SLIT2: variants seen among roughly 807,000 people sequenced by gnomAD.
SLIT2 encodes the protein slit guidance ligand 2.
Under a neutral mutation model 185.7 loss-of-function variants are expected in SLIT2, and 41 were observed. That is an observed-to-expected ratio of 0.22 (90% CI 0.17 to 0.29). The LOEUF (loss-of-function observed/expected upper bound fraction) is 0.29. SLIT2 is among the 10% of genes least tolerant of loss of function. SLIT2 has a pLI of 1.00. For synonymous variants in SLIT2, 693 were observed against 680.2 expected, an observed-to-expected ratio of 1.02 and a Z score of -0.29; for missense variants, 1,571 against 1,909.0, an observed-to-expected ratio of 0.82 and a Z score of 3.30.
chr4:20,258,779 G>T (rs2109010795), intron 3 of SLIT2, among the ~76,000 whole-genome samples: 1 of 151,724 alleles, frequency 6.6e-6, no homozygotes, highest in South Asian at 2.1e-4. Flanking sequence ...TGAAGGCAAA[G>T]AAAAGCTCTA....
intron 12 of SLIT2, among the ~76,000 whole-genome samples, chr4:20,520,491 T>C (rs1031685628): frequency 1.3e-5 from 2 of 152,208 alleles, no homozygotes; most frequent in African/African-American, 4.8e-5. Context: ...TTAAAATCCT[T>C]ACGCATACAA....
At chr4:20,361,504 T>C (rs1722742943) in intron 4 of SLIT2, among the ~76,000 whole-genome samples, 1 of 152,160 alleles carries the variant, frequency 6.6e-6, no homozygotes, top group Non-Finnish European at 1.5e-5. Context: ...AATCCAAACT[T>C]ATAAAATGTT....
rs894785343 is a variant in SLIT2 at position 20,287,890 on chromosome 4, A to T, written c.395+19009A>T. Among the ~76,000 whole-genome samples, 8 of 146,272 alleles carry T rather than the reference A, an allele frequency of 5.5e-5. No individual in the cohort carries two copies. In the East Asian group the frequency reaches 1.2e-3, roughly 21 times the overall value. On this transcript the variant is annotated intron_variant, in intron 4 of 36. Coordinates refer to ENST00000504154, the MANE Select transcript of SLIT2 (RefSeq NM_004787.4). ...TCTTTTCTTAAAAACAATTTTCTTT[A>T]AAAAAAAAGCTATGTATTGATGTTT...
At chr4:20,617,761 G>C in intron 36 of SLIT2, 111 bp downstream of exon 36, 1 of 697,836 alleles carries the variant, frequency 1.4e-6, no homozygotes, top group East Asian at 2.7e-5. Context: ...AGGAGCAACA[G>C]AGACAGAGAG....
At position 20,460,760 on chromosome 4, in the gene SLIT2, G is replaced by A. The variant is rs144186475; in HGVS notation, c.396-6992G>A. ...TAGAACCTGGAGGACATCATGTTAA[G>A]TGAAATAAGCCAGGTACAGAAAGAC... On this transcript the variant is annotated intron_variant, in intron 4 of 36. Coordinates refer to ENST00000504154, the MANE Select transcript of SLIT2 (RefSeq NM_004787.4). Among the ~76,000 whole-genome samples, 45 of 152,254 alleles carry A rather than the reference G, an allele frequency of 3.0e-4. No homozygotes were observed. In the East Asian group the frequency reaches 7.7e-3, roughly 26 times the overall value.
intron 16 of SLIT2, 68 bp downstream of exon 16, chr4:20,529,167 T>G (rs894735983): frequency 9.9e-6 from 12 of 1,214,434 alleles, no homozygotes; most frequent in Non-Finnish European, 1.1e-5. Flanking sequence ...CATAAGAATG[T>G]TTGTCTTGCC....
intron 4 of SLIT2, among the ~76,000 whole-genome samples, chr4:20,428,750 T>C (rs1049752061): frequency 6.6e-6 from 1 of 152,166 alleles, no homozygotes; most frequent in Non-Finnish European, 1.5e-5. Flanking sequence ...GTTTTTTCCA[T>C]TAAACAAGGG....
rs1173750302 is a variant in SLIT2, at chr4:20,392,646, TTTTC to T, written c.396-75098_396-75095del. 7.2e-5 allele frequency among the ~76,000 whole-genome samples: 11 copies of T among 152,110 alleles called. No homozygotes were observed. The East Asian group carries it at 7.7e-4, about 11-fold the overall frequency. The stretch of plus-strand genomic sequence containing the variant: ...TACATTGTACAGCTGTATAAAATGT[TTTTC>T]TTTCTTTATATCTTTATAAGTGCTT... On this transcript the variant is annotated intron_variant, in intron 4 of 36. Coordinates refer to ENST00000504154, the MANE Select transcript of SLIT2 (RefSeq NM_004787.4).
intron 33 of SLIT2, among the ~76,000 whole-genome samples, chr4:20,607,434 CTT>C (rs1236965444): frequency 6.6e-6 from 1 of 152,076 alleles, no homozygotes. Context: ...CTTGTATTTA[CTT>C]ACCACATATT....
chr4:20,293,327 C>G (rs1007172239), intron 4 of SLIT2, among the ~76,000 whole-genome samples: 1 of 152,046 alleles, frequency 6.6e-6, no homozygotes, highest in Non-Finnish European at 1.5e-5. Flanking sequence ...AGATCAGTTA[C>G]AAAAATAATA....
At chr4:20,309,743 T>C (rs1347224908) in intron 4 of SLIT2, among the ~76,000 whole-genome samples, 1 of 147,150 alleles carries the variant, frequency 6.8e-6, no homozygotes, top group Admixed American at 7.0e-5. Context: ...TTTGGTGACC[T>C]TCTAGTCTTT....
chr4:20,365,869 A>T (rs925736453), intron 4 of SLIT2, among the ~76,000 whole-genome samples: 15 of 152,062 alleles, frequency 9.9e-5, no homozygotes, highest in Non-Finnish European at 1.5e-4. Flanking sequence ...TTCCTATGGG[A>T]TATCATTTTT....
At chr4:20,373,289 C>A (rs1243319620) in intron 4 of SLIT2, among the ~76,000 whole-genome samples, 1 of 152,064 alleles carries the variant, frequency 6.6e-6, no homozygotes, top group East Asian at 1.9e-4. Context: ...AGATCAATTT[C>A]TCCGCATTTC....
intron 4 of SLIT2, among the ~76,000 whole-genome samples, chr4:20,432,026 T>TGA (rs55876105): frequency 0.014 from 2,118 of 149,780 alleles, 28 homozygotes; most frequent in Middle Eastern, 0.027. Flanking sequence ...CTTGTGTGTG[T>TGA]GAGAGAGAGA....
intron 11 of SLIT2, among the ~76,000 whole-genome samples, chr4:20,512,335 T>C (rs920100785): frequency 1.6e-4 from 24 of 152,174 alleles, no homozygotes; most frequent in African/African-American, 5.8e-4. Context: ...TCTGGGCACA[T>C]GAGTGTTCCA....
At chr4:20,304,842 GGTT>G (rs1717390277) in intron 4 of SLIT2, among the ~76,000 whole-genome samples, 1 of 152,030 alleles carries the variant, frequency 6.6e-6, no homozygotes, top group Admixed American at 6.5e-5. Context: ...CGTGATTGGT[GGTT>G]GTTGTTTTAA....
chr4:20,579,600 T>C (rs1726366984), intron 29 of SLIT2, among the ~76,000 whole-genome samples: 1 of 152,052 alleles, frequency 6.6e-6, no homozygotes, highest in Admixed American at 6.6e-5. Flanking sequence ...TTTGTCATAC[T>C]CATCCTTCAA....
chr4:20,472,460 C>A (rs1302053423), intron 5 of SLIT2, among the ~76,000 whole-genome samples: 13 of 26,336 alleles, frequency 4.9e-4, no homozygotes, highest in Admixed American at 6.5e-4. Context: ...ATAGATATAT[C>A]TATATCTATA....
At chr4:20,567,192 T>G in intron 26 of SLIT2, 70 bp from the exon 27 acceptor site, 1 of 1,285,272 alleles carries the variant, frequency 7.8e-7, no homozygotes, top group Non-Finnish European at 1.1e-6. Context: ...ACCATTACAT[T>G]AAGGCATACA....
Sources: gnomAD v4.1 joint callset for allele counts (sites outside exome capture counted in the v4.1 genomes callset) on GRCh38, gnomAD v4.1.1 for gene constraint, MANE v1.5 for transcripts, NCBI Gene and HGNC (gene_info 2026-07-23, HGNC 2026-07-21) for gene names.